Variants in ETNK1 observed in about 807,000 individuals in gnomAD.
The protein encoded by ETNK1 is ethanolamine kinase 1.
Under a neutral mutation model 45.1 loss-of-function variants are expected in ETNK1, and 8 were observed. The observed-to-expected ratio is 0.18, with a 90% confidence interval of 0.10 to 0.32. The LOEUF (loss-of-function observed/expected upper bound fraction) is 0.32, where lower values mean the gene tolerates loss of function less well. Among genes scored for constraint, ETNK1 ranks in the 10% least tolerant of loss-of-function variants. ETNK1 has a pLI of 1.00. For missense variants in ETNK1, 302 were observed against 430.6 expected (o/e 0.70, Z 2.64); for synonymous variants, 152 against 151.9 (o/e 1.00, Z -0.01).
intron 2 of ETNK1, chr12:22,644,726 A>G (rs1953784935): frequency 6.6e-6 from 1 of 152,234 alleles, no homozygotes; most frequent in African/African-American, 2.4e-5. Context: ...AAGAATATCA[A>G]GTACATGTCC....
chr12:22,631,216 C>T (rs1360525475), intron 1 of ETNK1, among the ~76,000 whole-genome samples: 4 of 151,408 alleles, frequency 2.6e-5, no homozygotes, highest in Non-Finnish European at 4.4e-5. Flanking sequence ...CTCTTGTTGC[C>T]CAGGCTGGAG....
At chr12:22,630,599 T>G (rs1433899098) in intron 1 of ETNK1, among the ~76,000 whole-genome samples, 1 of 152,106 alleles carries the variant, frequency 6.6e-6, no homozygotes, top group African/African-American at 2.4e-5. Flanking sequence ...TTTTTCTTTT[T>G]GTATTTTATT....
chr12:22,665,109 G>A (rs1052707807), intron 4 of ETNK1, among the ~76,000 whole-genome samples: 1 of 152,072 alleles, frequency 6.6e-6, no homozygotes, highest in African/African-American at 2.4e-5. Context: ...AAAGAGTATA[G>A]ATTTTGGAAC....
At chr12:22,641,598 C>G (rs1487105209) in intron 1 of ETNK1, among the ~76,000 whole-genome samples, 1 of 152,040 alleles carries the variant, frequency 6.6e-6, no homozygotes, top group East Asian at 1.9e-4. Context: ...ACTAATTTTT[C>G]CACTAGTAAA....
intron 4 of ETNK1, among the ~76,000 whole-genome samples, chr12:22,661,566 A>G (rs1038570871): frequency 1.3e-5 from 2 of 152,152 alleles, no homozygotes; most frequent in Non-Finnish European, 2.9e-5. Context: ...AAATCAACAT[A>G]TTGACATTAA....
chr12:22,642,071 A>G (rs187279247), intron 1 of ETNK1, among the ~76,000 whole-genome samples: 1 of 152,168 alleles, frequency 6.6e-6, no homozygotes, highest in Non-Finnish European at 1.5e-5. Flanking sequence ...GTTGGTAGCT[A>G]TACGAGTTCT....
intron 1 of ETNK1, among the ~76,000 whole-genome samples, chr12:22,643,420 C>A (rs1172416173): frequency 6.6e-6 from 1 of 151,884 alleles, no homozygotes; most frequent in African/African-American, 2.4e-5. Context: ...CACATACACA[C>A]AAATGTGCAA....
intron 2 of ETNK1, among the ~76,000 whole-genome samples, chr12:22,655,328 GTTT>G (rs10586779): frequency 0.8 from 98,926 of 123,784 alleles, 38,958 homozygotes; most frequent in Middle Eastern, 0.95. Context: ...GGGTTTGTTT[GTTT>G]TTTTTTTTTT....
intron 1 of ETNK1, among the ~76,000 whole-genome samples, chr12:22,638,103 T>A (rs991207241): frequency 2.3e-4 from 35 of 152,012 alleles, no homozygotes; most frequent in Non-Finnish European, 5.9e-5. Context: ...AATACAAAAT[T>A]CTCTTGCAAG....
rs971158946 is a variant in ETNK1, at chr12:22,689,232, G to A, written c.*4278G>A. ...TATTTGGGTAGAAAAAATTATGATA[G>A]TGCTTATAAGAACTGTAAACTGTTT... On this transcript the variant is annotated 3_prime_UTR_variant, in exon 8 of 8. Transcript: ENST00000266517. The A allele has an allele frequency of 1.3e-5, 2 of 151,814 alleles. No homozygotes were observed. Among genetic ancestry groups the A allele is most frequent in the East Asian group, 3.9e-4 (2 of 5,194 alleles). 9.4% of individuals were successfully genotyped at this position (151,814 alleles called of 1,614,324 possible). A position where few individuals can be genotyped will look rare whatever the true frequency, so the allele number is the denominator to read the frequency against.
chr12:22,664,009 A>G (rs934894325), intron 4 of ETNK1, among the ~76,000 whole-genome samples: 1 of 151,990 alleles, frequency 6.6e-6, no homozygotes, highest in African/African-American at 2.4e-5. Flanking sequence ...TCTAAAACTA[A>G]AGTATGACAA....
At chr12:22,660,259 T>C (rs1953985955) in intron 3 of ETNK1, among the ~76,000 whole-genome samples, 1 of 152,094 alleles carries the variant, frequency 6.6e-6, no homozygotes, top group Non-Finnish European at 1.5e-5. Flanking sequence ...GGAGAAAGAA[T>C]CAAGAGGTCA....
At chr12:22,625,718 T>A (rs962090810) in intron 1 of ETNK1, 132 bp downstream of exon 1, 40 of 1,327,928 alleles carry the variant, frequency 3.0e-5, no homozygotes, top group Non-Finnish European at 3.5e-5. Flanking sequence ...TATTGGGAAG[T>A]GACCCTGTAT....
intron 6 of ETNK1, chr12:22,682,165 A>T (rs1034230527): frequency 4.7e-6 from 1 of 211,456 alleles, no homozygotes; most frequent in African/African-American, 2.3e-5. Flanking sequence ...TAAGATAGCT[A>T]AAGATCACAT....
intron 4 of ETNK1, among the ~76,000 whole-genome samples, chr12:22,670,746 T>G (rs577542061): frequency 6.6e-6 from 1 of 152,316 alleles, no homozygotes; most frequent in South Asian, 2.1e-4. Context: ...ACTAACTTCT[T>G]GTTAGTGATC....
intron 6 of ETNK1, among the ~76,000 whole-genome samples, chr12:22,678,855 A>G (rs1167951371): frequency 6.6e-6 from 1 of 152,260 alleles, no homozygotes; most frequent in Non-Finnish European, 1.5e-5. Context: ...AGTAACTGAC[A>G]GAGTGTAGCC....
At chr12:22,665,735 A>G (rs994412027) in intron 4 of ETNK1, among the ~76,000 whole-genome samples, 3 of 152,094 alleles carry the variant, frequency 2.0e-5, no homozygotes, top group Non-Finnish European at 2.9e-5. Flanking sequence ...CCAACCCTGT[A>G]TTATGTTTAT....
At chr12:22,656,391 C>T in intron 2 of ETNK1, 6 of 985,366 alleles carry the variant, frequency 6.1e-6, no homozygotes, top group Non-Finnish European at 7.2e-6. Context: ...GCAGGGCCTC[C>T]TTGTCTTCTG....
rs922045097 is a variant in ETNK1, at chr12:22,673,045, G to A, written c.785-455G>A. Among the ~76,000 whole-genome samples the A allele has an allele frequency of 2.6e-5, 4 of 152,096 alleles. No individual in the cohort carries two copies. In the East Asian group the frequency reaches 7.7e-4, roughly 29 times the overall value. ...AATGTATTCTTGGTTGCAGTGAGCC[G>A]AAATCATGCCACTGCACTCCAGCCT... is the stretch of plus-strand genomic sequence containing the variant. On this transcript the variant is annotated intron_variant, in intron 5 of 7. Transcript: ENST00000266517.
Sources: allele counts gnomAD v4.1 joint callset (sites outside exome capture counted in the v4.1 genomes callset), GRCh38; gene constraint gnomAD v4.1.1; transcripts MANE v1.5; gene names NCBI Gene and HGNC (gene_info 2026-07-23, HGNC 2026-07-21).